OFD1: variants seen among roughly 807,000 people sequenced by gnomAD.
OFD1 encodes the protein OFD1 centriole and centriolar satellite protein.
OFD1 carries 12 observed loss-of-function variants against 81.4 expected under a neutral mutation model. The ratio of observed to expected loss-of-function variants is 0.15; its 90% CI spans 0.09 to 0.24. The LOEUF is 0.24. Ranked by LOEUF, OFD1 falls within the 10% of genes least tolerant of loss-of-function variation. The probability of loss-of-function intolerance (pLI) is 1.00; values close to 1 mark genes in which losing one functional copy is unlikely to be tolerated. For missense variants in OFD1, 685 were observed against 733.9 expected, an observed-to-expected ratio of 0.93 and a Z score of 0.77; for synonymous variants, 256 against 263.7, an observed-to-expected ratio of 0.97 and a Z score of 0.28.
intron 12 of OFD1, 93 bp from the exon 13 acceptor site, chrX:13,756,485 T>A: frequency 1.5e-6 from 1 of 649,056 alleles, no homozygotes. Context: ...TTAATTAAAT[T>A]GTGACACCAT....
chrX:13,770,516 A>G (rs1459666150), downstream of OFD1, among the ~76,000 whole-genome samples: 2 of 112,562 alleles, frequency 1.8e-5, no homozygotes, highest in African/African-American at 6.5e-5. Context: ...TGGCTACTCT[A>G]GAGAGTCAAC....
intron 19 of OFD1, among the ~76,000 whole-genome samples, chrX:13,766,669 G>A (rs1315344297): frequency 9.0e-6 from 1 of 110,957 alleles, no homozygotes; most frequent in Non-Finnish European, 1.9e-5. Flanking sequence ...TTTCTGTTCT[G>A]TTTTGTTGGG....
intron 18 of OFD1, among the ~76,000 whole-genome samples, chrX:13,763,096 G>A (rs1198565971): frequency 3.6e-5 from 4 of 112,565 alleles, no homozygotes; most frequent in Non-Finnish European, 7.5e-5. Flanking sequence ...TAAATATACT[G>A]ATTCAGTTGA....
At chrX:13,763,587 G>A (rs1023702526) in intron 18 of OFD1, among the ~76,000 whole-genome samples, 158 bp from the exon 19 acceptor site, 4 of 112,178 alleles carry the variant, frequency 3.6e-5, no homozygotes, top group Non-Finnish European at 1.9e-5. Flanking sequence ...TTGCCAAGTG[G>A]TTATGTTGGG....
chrX:13,739,295 G>C, intron 5 of OFD1: 1 of 172,848 alleles, frequency 5.8e-6, no homozygotes. Flanking sequence ...GAATATTTCT[G>C]CAAAAAAAAA....
At chrX:13,746,620 T>G (rs1012657607) in intron 7 of OFD1, among the ~76,000 whole-genome samples, 160 bp from the exon 8 acceptor site, 34 of 111,852 alleles carry the variant, frequency 3.0e-4, no homozygotes, top group African/African-American at 1.1e-3. Context: ...TTTATGCCTT[T>G]TGAGTGAATC....
intron 12 of OFD1, among the ~76,000 whole-genome samples, chrX:13,756,163 A>T (rs1272573120): frequency 9.0e-6 from 1 of 110,554 alleles, no homozygotes; most frequent in Non-Finnish European, 1.9e-5. Context: ...CATGTTGCCC[A>T]GGGTGGTCTC....
chrX:13,742,516 G>C (rs1345211888), intron 5 of OFD1, among the ~76,000 whole-genome samples: 1 of 111,782 alleles, frequency 8.9e-6, no homozygotes, highest in Non-Finnish European at 1.9e-5. Context: ...CTCTGTGAAA[G>C]ACACTGTTCT....
At chrX:13,731,312 C>T (rs764002281), upstream of OFD1, among the ~76,000 whole-genome samples, 1 of 111,816 alleles carries the variant, frequency 8.9e-6, no homozygotes, top group Admixed American at 9.5e-5. Flanking sequence ...CCAACAGAAA[C>T]GTGTATTAAA....
intron 8 of OFD1, 138 bp from the exon 9 acceptor site, chrX:13,749,289 G>A: frequency 2.1e-6 from 1 of 474,602 alleles, no homozygotes; most frequent in South Asian, 3.0e-5. Flanking sequence ...TATACCTTGA[G>A]TCGGAATCTC....
At chrX:13,716,235 T>C in the OFD1 span, 57 of 696,933 alleles carry the variant, frequency 8.2e-5, no homozygotes, top group Middle Eastern at 5.0e-4. Flanking sequence ...ATTAGCTTAG[T>C]TTTATCATAA....
chrX:13,717,850 T>C, the OFD1 span, among the ~76,000 whole-genome samples: 3 of 112,112 alleles, frequency 2.7e-5, no homozygotes, highest in African/African-American at 9.7e-5. Context: ...TGTGGCCTTA[T>C]ATGGAAAGAG....
chrX:13,738,818 T>G (rs1396237046), intron 3 of OFD1, 28 bp from the exon 4 acceptor site: 1 of 892,150 alleles, frequency 1.1e-6, no homozygotes, highest in Non-Finnish European at 1.6e-6. Context: ...TAAAAATATG[T>G]CTACTTAGTA....
intron 1 of OFD1, 79 bp downstream of exon 1, chrX:13,735,162 T>A (rs141160969): frequency 8.3e-7 from 1 of 1,200,393 alleles, no homozygotes; most frequent in East Asian, 3.0e-5. Flanking sequence ...AGGCCTCTTA[T>A]GGCTTCCCCG....
Position 13,758,443 on chromosome X carries a change from A to T in OFD1, c.1649A>T (p.Gln550Leu), listed in dbSNP as rs2047797164. 2.7e-6 allele frequency: 3 copies of T among 1,128,466 alleles called. No homozygotes were observed. The highest frequency in any genetic ancestry group is 3.7e-6 in the Non-Finnish European group (3 of 820,500). 93.0% of individuals were successfully genotyped at this position (1,128,466 alleles called of 1,213,427 possible). A position where few individuals can be genotyped will look rare whatever the true frequency, so the allele number is the denominator to read the frequency against. ...ADLKLQLKQT[Q>L]TALENEVYCN... ...TTAAAATTGCAACTGAAGCAAACTC[A>T]GACAGGTTAGAGACGTTTTAACCCA... Residue 550 changes from glutamine to leucine, a missense_variant, in exon 15 of 23, where the codon CAG becomes CTG. Coordinates refer to ENST00000340096, the MANE Select transcript of OFD1 (RefSeq NM_003611.3).
At chrX:13,757,527 T>G (rs764327623) in intron 13 of OFD1, 133 bp from the exon 14 acceptor site, 1 of 679,485 alleles carries the variant, frequency 1.5e-6, no homozygotes, top group Non-Finnish European at 2.2e-6. Context: ...TTTAATAGAA[T>G]TATTATCATA....
At chrX:13,724,969 G>T in the OFD1 span, among the ~76,000 whole-genome samples, 2 of 113,422 alleles carry the variant, frequency 1.8e-5, no homozygotes, top group Admixed American at 1.8e-4. Context: ...GGCTCGGCAG[G>T]TCCCACGCCC....
At chrX:13,740,796 A>AT (rs2047063985) in intron 5 of OFD1, among the ~76,000 whole-genome samples, 1 of 109,077 alleles carries the variant, frequency 9.2e-6, no homozygotes, top group Non-Finnish European at 1.9e-5. Flanking sequence ...CCATCTCAAA[A>AT]AAAAAAAAAA....
chrX:13,735,205 T>G (rs2046810191), intron 1 of OFD1, 43 bp from the exon 2 acceptor site: 1 of 1,195,500 alleles, frequency 8.4e-7, no homozygotes, highest in Admixed American at 2.2e-5. Context: ...ACGTTCACGT[T>G]CCCTCTGCCC....
Sources: gnomAD v4.1 joint callset for allele counts (sites outside exome capture counted in the v4.1 genomes callset) on GRCh38, gnomAD v4.1.1 for gene constraint, MANE v1.5 for transcripts, NCBI Gene and HGNC (gene_info 2026-07-23, HGNC 2026-07-21) for gene names.